The following HECW1 variants were observed in gnomAD, a reference collection of about 807,000 sequenced individuals.
HECW1 encodes E3 ubiquitin-protein ligase HECW1.
A neutral mutation model predicts 182.3 loss-of-function variants in HECW1; 61 were observed. The ratio of observed to expected loss-of-function variants is 0.33; its 90% CI spans 0.27 to 0.41. The LOEUF (loss-of-function observed/expected upper bound fraction) is 0.41. HECW1 is among the 10% of genes least tolerant of loss of function. The pLI is 1.00. For synonymous variants in HECW1, 859 were observed against 832.6 expected, an observed-to-expected ratio of 1.03 and a Z score of -0.55; for missense variants, 1,739 against 2,108.9, an observed-to-expected ratio of 0.82 and a Z score of 3.44.
intron 6 of HECW1, among the ~76,000 whole-genome samples, chr7:43,380,661 G>A (rs1020090020): frequency 2.0e-5 from 3 of 151,992 alleles, no homozygotes; most frequent in Non-Finnish European, 4.4e-5. Flanking sequence ...CAAGTAGCTG[G>A]GATTACAGGC....
At chr7:43,130,610 A>T (rs371511975) in intron 2 of HECW1, among the ~76,000 whole-genome samples, 4 of 152,346 alleles carry the variant, frequency 2.6e-5, no homozygotes, top group African/African-American at 9.6e-5. Context: ...TCATTAATAT[A>T]GTGATAAACA....
intron 2 of HECW1, among the ~76,000 whole-genome samples, chr7:43,116,201 G>T (rs1785035896): frequency 6.6e-6 from 1 of 152,094 alleles, no homozygotes; most frequent in Non-Finnish European, 1.5e-5. Context: ...TAGAGAATGA[G>T]TTCAAATGCT....
At chr7:43,195,737 A>G (rs1420572591) in intron 2 of HECW1, among the ~76,000 whole-genome samples, 1 of 152,208 alleles carries the variant, frequency 6.6e-6, no homozygotes, top group Non-Finnish European at 1.5e-5. Context: ...TACTCAAGAA[A>G]AGGAAGTGCA....
At chr7:43,293,297 C>T (rs1438385030) in intron 3 of HECW1, among the ~76,000 whole-genome samples, 3 of 151,476 alleles carry the variant, frequency 2.0e-5, no homozygotes, top group Non-Finnish European at 2.9e-5. Context: ...CAGACCCGAG[C>T]AGCGGTTCAA....
At chr7:43,184,422 C>T (rs10248955) in intron 2 of HECW1, among the ~76,000 whole-genome samples, 36,693 of 152,180 alleles carry the variant, frequency 0.24, 4,619 homozygotes, top group Middle Eastern at 0.27. Context: ...AGCTGTGATA[C>T]TATGAAATAT....
At chr7:43,256,211 G>A (rs1457012908) in intron 3 of HECW1, among the ~76,000 whole-genome samples, 1 of 152,208 alleles carries the variant, frequency 6.6e-6, no homozygotes, top group Non-Finnish European at 1.5e-5. Flanking sequence ...AATAGTAAAT[G>A]TGAAAAGTGA....
At chr7:43,344,500 T>C (rs755525012) in intron 5 of HECW1, among the ~76,000 whole-genome samples, 9 of 152,050 alleles carry the variant, frequency 5.9e-5, no homozygotes, top group Non-Finnish European at 1.0e-4. Flanking sequence ...CATTGGATGA[T>C]GATGTTGTTT....
chr7:43,133,873 T>C (rs1787227513), intron 2 of HECW1, among the ~76,000 whole-genome samples: 3 of 152,196 alleles, frequency 2.0e-5, no homozygotes, highest in African/African-American at 7.2e-5. Context: ...AAAACTTTAT[T>C]TGTTGATTCC....
At chr7:43,335,215 A>G (rs1223533718) in intron 5 of HECW1, among the ~76,000 whole-genome samples, 1 of 152,210 alleles carries the variant, frequency 6.6e-6, no homozygotes, top group East Asian at 1.9e-4. Flanking sequence ...CCTTACCCTT[A>G]CTGCTAGCCT....
chr7:43,402,593 A>G (rs183944895), intron 7 of HECW1, among the ~76,000 whole-genome samples: 1 of 152,356 alleles, frequency 6.6e-6, no homozygotes, highest in Admixed American at 6.5e-5. Flanking sequence ...CTTTAAAATA[A>G]TATGTAAGCA....
At chr7:43,289,523 A>G (rs1296071754) in intron 3 of HECW1, among the ~76,000 whole-genome samples, 1 of 152,106 alleles carries the variant, frequency 6.6e-6, no homozygotes, top group Non-Finnish European at 1.5e-5. Flanking sequence ...GATAGCTTGG[A>G]CTTTAGGAGG....
chr7:43,367,503 GC>G (rs1816799542), intron 6 of HECW1, among the ~76,000 whole-genome samples: 1 of 152,138 alleles, frequency 6.6e-6, no homozygotes, highest in South Asian at 2.1e-4. Context: ...ATGTCTGCTA[GC>G]CTTTTCTTAG....
At position 43,480,736 on chromosome 7, in the gene HECW1, T is replaced by C. The variant is rs200903300; in HGVS notation, c.3234+992T>C. ...ATATATACGCATATATATATATATA[T>C]ACACACACACACATATGCCACAGTG... On this transcript the variant is annotated intron_variant, in intron 17 of 29. Transcript: ENST00000395891. Among the ~76,000 whole-genome samples the C allele has an allele frequency of 1.9e-3, 265 of 138,876 alleles. 1 individual carries two copies. The highest frequency in any genetic ancestry group is 8.0e-3 in the East Asian group (38 of 4,776). The allele number at this position is 138,876 out of a possible 152,430, so 91.1% of individuals were successfully genotyped here.
At chr7:43,183,034 C>T (rs1793021509) in intron 2 of HECW1, among the ~76,000 whole-genome samples, 1 of 152,012 alleles carries the variant, frequency 6.6e-6, no homozygotes, top group African/African-American at 2.4e-5. Context: ...TGATTTTTAT[C>T]ACTATATCTT....
intron 17 of HECW1, chr7:43,484,338 G>C (rs777437885): frequency 3.9e-5 from 6 of 152,256 alleles, no homozygotes; most frequent in Non-Finnish European, 8.8e-5. Context: ...TTGATAATGT[G>C]TGTGAAAATA....
intron 2 of HECW1, among the ~76,000 whole-genome samples, chr7:43,162,076 T>G (rs372310539): frequency 1.3e-5 from 2 of 152,244 alleles, no homozygotes; most frequent in Admixed American, 1.3e-4. Flanking sequence ...AACAATTGGA[T>G]ATCCACTTTA....
intron 16 of HECW1, among the ~76,000 whole-genome samples, chr7:43,473,907 TAAGTA>T (rs1234154335): frequency 6.6e-6 from 1 of 151,772 alleles, no homozygotes; most frequent in Non-Finnish European, 1.5e-5. Flanking sequence ...AACAAGTAAG[TAAGTA>T]AAGTAAAAAA....
intron 8 of HECW1, among the ~76,000 whole-genome samples, chr7:43,416,956 C>A (rs2076028154): frequency 6.6e-6 from 1 of 152,208 alleles, no homozygotes; most frequent in African/African-American, 2.4e-5. Context: ...GCACCCAGTA[C>A]CTCAGATGGA....
chr7:43,262,424 G>A (rs1801285622), intron 3 of HECW1, among the ~76,000 whole-genome samples: 1 of 152,216 alleles, frequency 6.6e-6, no homozygotes, highest in African/African-American at 2.4e-5. Flanking sequence ...TTTCACATAT[G>A]ATGAAACTGA....
Sources: allele counts gnomAD v4.1 joint callset (sites outside exome capture counted in the v4.1 genomes callset), GRCh38; gene constraint gnomAD v4.1.1; transcripts MANE v1.5; gene names NCBI Gene and HGNC (gene_info 2026-07-23, HGNC 2026-07-21).